The following JPH3 variants were observed in gnomAD, a reference collection of about 807,000 sequenced individuals.
The protein encoded by JPH3 is junctophilin-3.
A neutral mutation model predicts 59.6 loss-of-function variants in JPH3; 11 were observed. The observed-to-expected ratio is 0.18, with a 90% CI of 0.12 to 0.31. JPH3 has a LOEUF of 0.31. JPH3 is among the 10% of genes least tolerant of loss of function. The probability of loss-of-function intolerance (pLI) is 1.00; values close to 1 mark genes in which losing one functional copy is unlikely to be tolerated. For synonymous variants in JPH3, 673 were observed against 483.6 expected, an observed-to-expected ratio of 1.39 and a Z score of -5.14; for missense variants, 1,202 against 1,105.7, an observed-to-expected ratio of 1.09 and a Z score of -1.24.
At chr16:87,660,804 C>T (rs554254707) in intron 2 of JPH3, among the ~76,000 whole-genome samples, 30 of 152,294 alleles carry the variant, frequency 2.0e-4, no homozygotes, top group African/African-American at 6.5e-4. Context: ...AGGCTGGAGA[C>T]AAACAGCTCC....
At chr16:87,648,876 C>G (rs576892339) in intron 2 of JPH3, among the ~76,000 whole-genome samples, 13 of 152,192 alleles carry the variant, frequency 8.5e-5, no homozygotes, top group African/African-American at 3.1e-4. Flanking sequence ...AGGTGGGGGC[C>G]CCAGCACCTG....
chr16:87,636,408 G>A (rs1273327337), intron 1 of JPH3, among the ~76,000 whole-genome samples: 1 of 152,246 alleles, frequency 6.6e-6, no homozygotes, highest in Admixed American at 6.5e-5. Flanking sequence ...CCGAGCTGAT[G>A]GTGCAGGCGT....
At chr16:87,660,371 G>T (rs56262524) in intron 2 of JPH3, among the ~76,000 whole-genome samples, 3 of 151,916 alleles carry the variant, frequency 2.0e-5, no homozygotes, top group Admixed American at 2.0e-4. Flanking sequence ...TCCTGGGATT[G>T]AGTCCCAGCC....
At chr16:87,668,176 G>T (rs988992072) in intron 2 of JPH3, among the ~76,000 whole-genome samples, 1 of 152,168 alleles carries the variant, frequency 6.6e-6, no homozygotes, top group Admixed American at 6.5e-5. Flanking sequence ...CCCTCCAGCC[G>T]CTCCGGGTCC....
chr16:87,671,189 A>G (rs1483154787), intron 2 of JPH3, among the ~76,000 whole-genome samples: 3 of 152,146 alleles, frequency 2.0e-5, no homozygotes, highest in East Asian at 1.9e-4. Context: ...GCTTCAGCCC[A>G]TGCACAGACA....
chr16:87,676,632 C>A (rs1428838238), intron 2 of JPH3, among the ~76,000 whole-genome samples: 2 of 150,382 alleles, frequency 1.3e-5, no homozygotes, highest in Admixed American at 1.3e-4. Context: ...TACATGGGTG[C>A]CTGAGGCAGC....
chr16:87,640,289 A>G (rs1019065661), intron 1 of JPH3, among the ~76,000 whole-genome samples: 17 of 151,352 alleles, frequency 1.1e-4, no homozygotes, highest in African/African-American at 3.9e-4. Flanking sequence ...AGATCGCGCT[A>G]CTGCACTCTA....
chr16:87,643,946 G>T (rs949134281), intron 1 of JPH3, among the ~76,000 whole-genome samples: 2 of 152,110 alleles, frequency 1.3e-5, no homozygotes, highest in Admixed American at 6.5e-5. Context: ...AAACCAGCCT[G>T]GCCAACATAA....
chr16:87,651,540 G>C (rs1282319102), intron 2 of JPH3, among the ~76,000 whole-genome samples: 1 of 152,236 alleles, frequency 6.6e-6, no homozygotes, highest in African/African-American at 2.4e-5. Flanking sequence ...CAAGAATTTA[G>C]AAGAAGTTGA....
At chr16:87,627,693 G>A (rs1469810057) in intron 1 of JPH3, among the ~76,000 whole-genome samples, 9 of 152,328 alleles carry the variant, frequency 5.9e-5, no homozygotes, top group Admixed American at 5.2e-4. Flanking sequence ...TATGGGGAAG[G>A]TGAGGCTCAG....
At chr16:87,643,278 G>C (rs1366393588) in intron 1 of JPH3, among the ~76,000 whole-genome samples, 2 of 152,238 alleles carry the variant, frequency 1.3e-5, no homozygotes, top group African/African-American at 4.8e-5. Context: ...CATGGCGTCT[G>C]TCCATTTACC....
chr16:87,620,960 C>T (rs1567585194), intron 1 of JPH3, among the ~76,000 whole-genome samples: 1 of 152,170 alleles, frequency 6.6e-6, no homozygotes, highest in African/African-American at 2.4e-5. Context: ...GAGTTTGAGA[C>T]CAGCTTGGCC....
chr16:87,623,687 A>G (rs2031271499), intron 1 of JPH3, among the ~76,000 whole-genome samples: 1 of 152,094 alleles, frequency 6.6e-6, no homozygotes, highest in Admixed American at 6.5e-5. Context: ...GGTGCCTGAA[A>G]TCTGAGGCCC....
chr16:87,633,656 G>A (rs1025429515), intron 1 of JPH3, among the ~76,000 whole-genome samples: 47 of 151,936 alleles, frequency 3.1e-4, no homozygotes, highest in Admixed American at 3.0e-3. Context: ...AAGATTAGCT[G>A]GGTGTGGTGG....
intron 2 of JPH3, among the ~76,000 whole-genome samples, chr16:87,658,243 G>A (rs372252882): frequency 6.6e-6 from 1 of 152,166 alleles, no homozygotes; most frequent in Non-Finnish European, 1.5e-5. Flanking sequence ...AACAGTGCAC[G>A]GCATTTGCAC....
chr16:87,666,187 T>A (rs2032855371), intron 2 of JPH3, among the ~76,000 whole-genome samples: 1 of 151,454 alleles, frequency 6.6e-6, no homozygotes, highest in Admixed American at 6.6e-5. Context: ...CTCCCTGATT[T>A]AAGCAGTTCT....
chr16:87,659,122 T>G (rs977847916), intron 2 of JPH3, among the ~76,000 whole-genome samples: 1 of 152,046 alleles, frequency 6.6e-6, no homozygotes, highest in African/African-American at 2.4e-5. Flanking sequence ...GCTTGTAATC[T>G]CAGCCCTTTG....
chr16:87,648,422 G>A (rs1469486098), intron 2 of JPH3, among the ~76,000 whole-genome samples: 1 of 152,122 alleles, frequency 6.6e-6, no homozygotes, highest in Non-Finnish European at 1.5e-5. Flanking sequence ...TATCACAGTC[G>A]AGAGATGCGA....
At position 87,677,076 on chromosome 16, in the gene JPH3, G is replaced by A. The variant is rs528315517; in HGVS notation, c.1161-7066G>A. On this transcript the variant is annotated intron_variant, in intron 2 of 4. Coordinates refer to ENST00000284262, the MANE Select transcript of JPH3 (RefSeq NM_020655.4). ...CGGGAGGCTGAGGCAGGAGAATGGC[G>A]TGAACCCGGGAGGTGGAGCTTACAG... 3.3e-3 allele frequency among the ~76,000 whole-genome samples: 497 copies of A among 150,346 alleles called. 16 individuals are homozygous for A. The highest frequency in any genetic ancestry group is 0.012 in the African/African-American group (469 of 40,508).
Sources: allele counts gnomAD v4.1 joint callset (sites outside exome capture counted in the v4.1 genomes callset), GRCh38; gene constraint gnomAD v4.1.1; transcripts MANE v1.5; gene names NCBI Gene and HGNC (gene_info 2026-07-23, HGNC 2026-07-21).